The following POLR3G variants were observed in gnomAD, a reference collection of about 807,000 sequenced individuals.
The protein encoded by POLR3G is DNA-directed RNA polymerase III subunit RPC7.
Under a neutral mutation model 30.1 loss-of-function variants are expected in POLR3G, and 28 were observed. The observed-to-expected ratio is 0.93, with a 90% CI of 0.69 to 1.27. The LOEUF is 1.27. Among genes scored for constraint, POLR3G ranks in the 50% most tolerant of loss-of-function variants. POLR3G has a pLI of 0.00. For synonymous variants in POLR3G, 79 were observed against 82.5 expected (o/e 0.96, Z 0.23); for missense variants, 254 against 264.6 (o/e 0.96, Z 0.28).
intron 3 of POLR3G, among the ~76,000 whole-genome samples, chr5:90,492,360 A>G (rs1377664905): frequency 6.6e-6 from 1 of 152,192 alleles, no homozygotes; most frequent in Non-Finnish European, 1.5e-5. Flanking sequence ...TGAGACGATC[A>G]TTTTTGTTCT....
intron 7 of POLR3G, among the ~76,000 whole-genome samples, chr5:90,508,153 T>G (rs72781087): frequency 0.013 from 1,958 of 152,334 alleles, 21 homozygotes; most frequent in Non-Finnish European, 0.02. Context: ...AAGTCAGCTC[T>G]CTACAGCAAT....
chr5:90,487,757 G>A (rs922992063), intron 2 of POLR3G, among the ~76,000 whole-genome samples: 3 of 152,060 alleles, frequency 2.0e-5, no homozygotes, highest in Admixed American at 2.0e-4. Context: ...ATGATTATTG[G>A]TGTAGTTTTC....
At chr5:90,487,312 A>G (rs1751488571) in intron 2 of POLR3G, among the ~76,000 whole-genome samples, 1 of 148,940 alleles carries the variant, frequency 6.7e-6, no homozygotes, top group Admixed American at 6.7e-5. Flanking sequence ...GCTGAGGTTA[A>G]TAAGAACCTA....
chr5:90,487,623 C>G (rs1376733570), intron 2 of POLR3G, among the ~76,000 whole-genome samples: 3 of 151,908 alleles, frequency 2.0e-5, no homozygotes, highest in Admixed American at 1.3e-4. Flanking sequence ...GATCTCCTGA[C>G]CTCGTGATCC....
chr5:90,498,058 C>T (rs1190140759), intron 5 of POLR3G, among the ~76,000 whole-genome samples: 1 of 152,114 alleles, frequency 6.6e-6, no homozygotes, highest in African/African-American at 2.4e-5. Context: ...TGCAATTAGC[C>T]TAAACTGCAC....
intron 1 of POLR3G, among the ~76,000 whole-genome samples, chr5:90,483,966 C>T (rs533480123): frequency 6.6e-6 from 1 of 152,174 alleles, no homozygotes; most frequent in African/African-American, 2.4e-5. Flanking sequence ...TCTATGAAGT[C>T]CTTGATTCTA....
At chr5:90,501,214 T>G (rs1456574284) in intron 5 of POLR3G, among the ~76,000 whole-genome samples, 3 of 150,486 alleles carry the variant, frequency 2.0e-5, no homozygotes, top group Non-Finnish European at 4.5e-5. Flanking sequence ...ACAGACACTT[T>G]ACATTTTTTG....
intron 1 of POLR3G, among the ~76,000 whole-genome samples, chr5:90,478,569 C>CTGTTTTTTTTTTTTTTTT (rs1750957077): frequency 1.3e-5 from 1 of 79,334 alleles, no homozygotes; most frequent in African/African-American, 5.1e-5. Context: ...CTGCGTGGTT[C>CTGTTTTTTTTTTTTTTTT]TTTTTTTTTT....
At chr5:90,509,279 T>G (rs369771440) in intron 7 of POLR3G, among the ~76,000 whole-genome samples, 2 of 152,304 alleles carry the variant, frequency 1.3e-5, no homozygotes, top group East Asian at 1.9e-4. Context: ...CCCTCGGGCT[T>G]CTTTTTCTTG....
intron 1 of POLR3G, among the ~76,000 whole-genome samples, chr5:90,481,680 G>GA (rs1751129184): frequency 6.6e-6 from 1 of 151,974 alleles, no homozygotes; most frequent in African/African-American, 2.4e-5. Flanking sequence ...AAAAAAATGG[G>GA]AAAACCATTA....
At chr5:90,474,512 T>C (rs1403116366), upstream of POLR3G, 2 of 548,510 alleles carry the variant, frequency 3.6e-6, no homozygotes, top group Non-Finnish European at 6.4e-6. Context: ...TTCCGCCAGG[T>C]CGGCAGCAAG....
chr5:90,475,132 C>T (rs1750729221), intron 1 of POLR3G, 112 bp downstream of exon 1: 1 of 152,246 alleles, frequency 6.6e-6, no homozygotes, highest in African/African-American at 2.4e-5. Context: ...ATTAAAGCGC[C>T]TCTGGTTTGA....
chr5:90,483,176 C>T (rs1751235978), intron 1 of POLR3G, among the ~76,000 whole-genome samples: 1 of 150,558 alleles, frequency 6.6e-6, no homozygotes, highest in Admixed American at 6.6e-5. Flanking sequence ...CTCTGATCTC[C>T]GAGTTTTCGG....
intron 1 of POLR3G, among the ~76,000 whole-genome samples, chr5:90,475,616 G>T (rs1750767885): frequency 6.6e-6 from 1 of 152,100 alleles, no homozygotes; most frequent in Non-Finnish European, 1.5e-5. Flanking sequence ...ATGACTGGGT[G>T]TGGCCCCGCC....
chr5:90,503,827 C>G (rs907619354), intron 6 of POLR3G, among the ~76,000 whole-genome samples: 2 of 152,120 alleles, frequency 1.3e-5, no homozygotes, highest in Non-Finnish European at 2.9e-5. Context: ...TCTGAGGTTT[C>G]TTATTTCTGC....
chr5:90,489,698 G>GA (rs1751626192), intron 3 of POLR3G, among the ~76,000 whole-genome samples: 1 of 152,042 alleles, frequency 6.6e-6, no homozygotes, highest in Admixed American at 6.6e-5. Flanking sequence ...ATTCTTATTA[G>GA]AAAAAATAGT....
chr5:90,512,008 CTCAT>C (rs1203567387), intron 7 of POLR3G, 41 bp from the exon 8 acceptor site: 1 of 1,255,202 alleles, frequency 8.0e-7, no homozygotes, highest in Admixed American at 1.7e-5. Flanking sequence ...TTTCTTACTA[CTCAT>C]TCATTTTAAC....
At chr5:90,496,220 A>G (rs564982393) in intron 4 of POLR3G, among the ~76,000 whole-genome samples, 24 of 152,210 alleles carry the variant, frequency 1.6e-4, no homozygotes, top group Admixed American at 9.8e-4. Context: ...CGCCCGCCTC[A>G]GCCTCCCAAA....
chr5:90,485,699 A>T lies in POLR3G; in HGVS notation c.117+15A>T. The T allele has an allele frequency of 3.2e-6, 5 of 1,551,526 alleles. No individual in the cohort carries two copies. The highest frequency in any genetic ancestry group is 4.4e-6 in the Non-Finnish European group (5 of 1,127,386). ...CACTATTTCCTGTAAGTATATGAAC[A>T]GTTGAATTCTCATAGTGTGTTTTTT... On this transcript the variant is annotated intron_variant, in intron 2 of 7. Coordinates refer to ENST00000651687, the MANE Select transcript of POLR3G (RefSeq NM_006467.3).
Sources: allele counts gnomAD v4.1 joint callset (sites outside exome capture counted in the v4.1 genomes callset), GRCh38; gene constraint gnomAD v4.1.1; transcripts MANE v1.5; gene names NCBI Gene and HGNC (gene_info 2026-07-23, HGNC 2026-07-21).